Variants in MEGF10 observed in about 807,000 individuals in gnomAD.
MEGF10 encodes multiple EGF like domains 10, also known as multiple epidermal growth factor-like domains protein 10.
MEGF10 carries 86 observed loss-of-function variants against 147.5 expected under a neutral mutation model. The observed-to-expected ratio is 0.58, with a 90% CI of 0.49 to 0.70. MEGF10 has a LOEUF of 0.70. Among genes scored for constraint, MEGF10 ranks in the 30% least tolerant of loss-of-function variants. The pLI is 0.00. For missense variants in MEGF10, 1,329 were observed against 1,487.3 expected (o/e 0.89, Z 1.75); for synonymous variants, 478 against 525.5 (o/e 0.91, Z 1.24).
intron 1 of MEGF10, among the ~76,000 whole-genome samples, chr5:127,309,064 G>T (rs929108954): frequency 6.6e-6 from 1 of 152,072 alleles, no homozygotes; most frequent in African/African-American, 2.4e-5. Flanking sequence ...TCACACTGTT[G>T]TTATTATGTT....
intron 22 of MEGF10, among the ~76,000 whole-genome samples, chr5:127,454,125 G>A (rs1443300673): frequency 6.6e-6 from 1 of 152,194 alleles, no homozygotes; most frequent in Non-Finnish European, 1.5e-5. Flanking sequence ...GAAGCTTCCA[G>A]TCTCCAGAAA....
the MEGF10 span, among the ~76,000 whole-genome samples, chr5:127,244,796 G>A: frequency 6.6e-6 from 1 of 152,056 alleles, no homozygotes; most frequent in Non-Finnish European, 1.5e-5. Context: ...GTTCAGATTT[G>A]CAAGAATTCA....
At chr5:127,260,731 T>C in the MEGF10 span, among the ~76,000 whole-genome samples, 1 of 152,146 alleles carries the variant, frequency 6.6e-6, no homozygotes, top group Admixed American at 6.6e-5. Flanking sequence ...CAAACCACTC[T>C]AGGCATTTCG....
intron 5 of MEGF10, among the ~76,000 whole-genome samples, chr5:127,386,499 A>G (rs941869645): frequency 3.3e-5 from 5 of 152,200 alleles, no homozygotes; most frequent in Admixed American, 3.3e-4. Flanking sequence ...ACATACAGTC[A>G]CCAGCAAGTA....
At chr5:127,340,741 T>G in intron 4 of MEGF10, 111 bp downstream of exon 4, 1 of 783,856 alleles carries the variant, frequency 1.3e-6, no homozygotes, top group Non-Finnish European at 2.1e-6. Flanking sequence ...CTTGGAACAT[T>G]CCTTTTCCCT....
intron 2 of MEGF10, among the ~76,000 whole-genome samples, chr5:127,336,400 G>C (rs1273859361): frequency 6.6e-6 from 1 of 151,990 alleles, no homozygotes; most frequent in East Asian, 1.9e-4. Context: ...CATAGAAGTT[G>C]CTCAATAAAT....
chr5:127,402,488 T>C, intron 7 of MEGF10, 58 bp from the exon 8 acceptor site: 1 of 1,568,396 alleles, frequency 6.4e-7, no homozygotes. Context: ...TCTTCATCCA[T>C]CAGTTGTCTT....
chr5:127,232,306 C>G, the MEGF10 span, among the ~76,000 whole-genome samples: 53 of 152,336 alleles, frequency 3.5e-4, no homozygotes, highest in South Asian at 0.011. Flanking sequence ...GAAGCTTTCT[C>G]TCCAACGAAA....
intron 19 of MEGF10, 28 bp downstream of exon 19, chr5:127,443,154 A>C: frequency 6.2e-7 from 1 of 1,600,986 alleles, no homozygotes; most frequent in Non-Finnish European, 8.5e-7. Flanking sequence ...TGTTTGTAGC[A>C]CTGCAGTATT....
upstream of MEGF10, among the ~76,000 whole-genome samples, chr5:127,286,779 T>C (rs1759043120): frequency 6.6e-6 from 1 of 151,868 alleles, no homozygotes; most frequent in South Asian, 2.1e-4. Context: ...AAAAAATCAA[T>C]GAAACTAAAG....
the MEGF10 span, among the ~76,000 whole-genome samples, chr5:127,247,320 G>A: frequency 2.3e-4 from 2 of 8,664 alleles, no homozygotes; most frequent in East Asian, 3.0e-3. Flanking sequence ...GAAAGAGAGA[G>A]AAGAAGAAGA....
intron 19 of MEGF10, among the ~76,000 whole-genome samples, chr5:127,443,393 T>C (rs990178094): frequency 1.3e-5 from 2 of 152,234 alleles, no homozygotes; most frequent in African/African-American, 4.8e-5. Flanking sequence ...GCCAGATTTT[T>C]GTTATTCCAA....
intron 1 of MEGF10, among the ~76,000 whole-genome samples, chr5:127,300,341 G>A (rs748230601): frequency 6.6e-6 from 1 of 152,106 alleles, no homozygotes; most frequent in African/African-American, 2.4e-5. Context: ...TTCTGTGTAG[G>A]TACAGCACTT....
intron 4 of MEGF10, among the ~76,000 whole-genome samples, chr5:127,351,351 A>C (rs576565124): frequency 6.6e-6 from 1 of 152,252 alleles, no homozygotes; most frequent in East Asian, 1.9e-4. Context: ...TATGCCATGC[A>C]TATTTTTTGT....
At chr5:127,284,097 T>G in the MEGF10 span, among the ~76,000 whole-genome samples, 14 of 152,200 alleles carry the variant, frequency 9.2e-5, no homozygotes, top group Non-Finnish European at 1.6e-4. Context: ...TGCTCTTCCC[T>G]TTCTTCCTCC....
chr5:127,265,387 C>A, the MEGF10 span, among the ~76,000 whole-genome samples: 1 of 152,096 alleles, frequency 6.6e-6, no homozygotes, highest in East Asian at 1.9e-4. Flanking sequence ...CATAGGTGTG[C>A]CTGTGTCTTT....
chr5:127,434,316 G>T (rs760077363), intron 14 of MEGF10, among the ~76,000 whole-genome samples: 22 of 152,068 alleles, frequency 1.4e-4, no homozygotes, highest in Non-Finnish European at 2.8e-4. Context: ...TCAACAAATG[G>T]TTTGAGAGTA....
At chr5:127,346,122 G>A (rs1432392732) in intron 4 of MEGF10, among the ~76,000 whole-genome samples, 3 of 152,162 alleles carry the variant, frequency 2.0e-5, no homozygotes, top group South Asian at 4.2e-4. Flanking sequence ...TGGGCATTTC[G>A]GCTTGTTCCT....
chr5:127,259,583 T>C, the MEGF10 span, among the ~76,000 whole-genome samples: 5 of 152,318 alleles, frequency 3.3e-5, no homozygotes, highest in South Asian at 1.0e-3. Flanking sequence ...TCTGGTTTTG[T>C]GTGGCTTATA....
Sources: allele counts gnomAD v4.1 joint callset (sites outside exome capture counted in the v4.1 genomes callset), GRCh38; gene constraint gnomAD v4.1.1; transcripts MANE v1.5; gene names NCBI Gene and HGNC (gene_info 2026-07-23, HGNC 2026-07-21).